Variants in PGBD2 observed in about 807,000 individuals in gnomAD.
PGBD2 encodes the protein piggyBac transposable element derived 2, also known as piggyBac transposable element-derived protein 2.
PGBD2 carries 6 observed loss-of-function variants against 8.1 expected under a neutral mutation model. That is an observed-to-expected ratio of 0.74 (90% CI 0.40 to 1.46). The LOEUF (loss-of-function observed/expected upper bound fraction) is 1.46. Among genes scored for constraint, PGBD2 ranks in the 40% most tolerant of loss-of-function variants. The pLI, the probability that PGBD2 is intolerant of heterozygous loss-of-function variation, is 0.02. For synonymous variants in PGBD2, 318 were observed against 272.2 expected, an observed-to-expected ratio of 1.17 and a Z score of -1.66; for missense variants, 802 against 739.0, an observed-to-expected ratio of 1.09 and a Z score of -0.99.
intron 1 of PGBD2, among the ~76,000 whole-genome samples, chr1:248,909,294 G>A (rs760898038): frequency 3.3e-5 from 5 of 152,148 alleles, no homozygotes; most frequent in Admixed American, 6.5e-5. Flanking sequence ...AGCTTCTTGC[G>A]TATGTATCCC....
rs888823858 is a variant in PGBD2, at chr1:248,917,286, C to T, written c.702C>T (p.Asn234=). ...CATACTTACATTTTGCAGATAACAA[C>T]GAACTTGATGCAAGTGATAGGTTTG... ...IFSYLHFADN[N]ELDASDRFAK... is the part of the protein sequence containing the mutation. Residue 234 remains asparagine (N), a synonymous_variant, in exon 3 of 3, where the codon AAC becomes AAT. Transcript: ENST00000329291. 1.8e-5 allele frequency: 29 copies of T among 1,614,066 alleles called. No homozygotes were observed. The Admixed American group carries it at 2.0e-4, about 11-fold the overall frequency.
chr1:248,873,968 TTTA>T, the PGBD2 span, among the ~76,000 whole-genome samples: 1 of 152,110 alleles, frequency 6.6e-6, no homozygotes, highest in African/African-American at 2.4e-5. Flanking sequence ...ACACATTCGT[TTTA>T]TTAGCATTTT....
chr1:248,926,525 G>T, the PGBD2 span, among the ~76,000 whole-genome samples: 3 of 152,282 alleles, frequency 2.0e-5, no homozygotes, highest in East Asian at 5.8e-4. Context: ...GACTTTGAAA[G>T]CTTCTTTTGG....
chr1:248,878,636 A>G, the PGBD2 span, among the ~76,000 whole-genome samples: 3 of 152,208 alleles, frequency 2.0e-5, no homozygotes, highest in Non-Finnish European at 4.4e-5. Context: ...TCGGTAGTCC[A>G]TTTAATCTCT....
chr1:248,886,478 T>C, the PGBD2 span, among the ~76,000 whole-genome samples: 5 of 152,222 alleles, frequency 3.3e-5, no homozygotes, highest in Non-Finnish European at 7.3e-5. Context: ...TTGATCTGTT[T>C]GAATTCAAAT....
the PGBD2 span, among the ~76,000 whole-genome samples, chr1:248,926,527 T>C: frequency 3.0e-4 from 46 of 152,312 alleles, no homozygotes; most frequent in South Asian, 1.9e-3. Context: ...CTTTGAAAGC[T>C]TCTTTTGGTC....
At chr1:248,874,309 C>T in the PGBD2 span, among the ~76,000 whole-genome samples, 7 of 152,158 alleles carry the variant, frequency 4.6e-5, no homozygotes, top group East Asian at 3.9e-4. Flanking sequence ...GTTCGATTCC[C>T]GGTCAGGAAA....
intron 2 of PGBD2, 133 bp from the exon 3 acceptor site, chr1:248,916,469 G>T (rs1662100661): frequency 1.4e-6 from 1 of 690,378 alleles, no homozygotes; most frequent in African/African-American, 1.8e-5. Flanking sequence ...TACTAAATGC[G>T]GTGCCTTGTG....
At chr1:248,874,233 T>C in the PGBD2 span, among the ~76,000 whole-genome samples, 40 of 152,344 alleles carry the variant, frequency 2.6e-4, no homozygotes, top group East Asian at 7.7e-4. Context: ...TATTGCTAAA[T>C]GACGCATCAT....
rs780552953 is a variant in PGBD2, at chr1:248,917,088, A to G, written c.504A>G (p.Lys168=). The change falls in exon 3 of 3, where the codon AAA becomes AAG. Residue 168 remains lysine, a synonymous_variant. Transcript: ENST00000329291. ...VNETNRYAWQ[K]NVNLSLTAQE... is the part of the protein sequence containing the mutation. ...AAACCAATCGTTATGCTTGGCAGAA[A>G]AATGTCAATTTGAGTCTTACGGCTC... The G allele has an allele frequency of 3.1e-6, 5 of 1,613,814 alleles. No individual in the cohort carries two copies. The highest frequency in any genetic ancestry group is 1.3e-5 in the African/African-American group (1 of 74,980).
upstream of PGBD2, among the ~76,000 whole-genome samples, chr1:248,904,448 C>T (rs1572267857): frequency 6.6e-6 from 1 of 152,016 alleles, no homozygotes. Context: ...TACACTTGGT[C>T]CCGATCTTTT....
chr1:248,916,909 C>T lies in PGBD2; in HGVS notation c.325C>T (p.Gln109Ter), dbSNP rs1051729619. 5.0e-6 allele frequency: 8 copies of T among 1,614,026 alleles called. No homozygotes were observed. Among genetic ancestry groups the T allele is most frequent in the Non-Finnish European group, 6.8e-6 (8 of 1,179,994 alleles). ...GAGGCAGAAAGCAGTTGTGAAACCT[C>T]AGCGCATTTGGACCAAAAGAGATAT... Reference protein sequence around the residue: ...KKRQKAVVKPQRIWTKRDIRP... With the variant: ...KKRQKAVVKP The change falls in exon 3 of 3, where the codon CAG becomes TAG. Residue 109 changes from glutamine (Q) to a stop codon, truncating the protein, a stop_gained. Coordinates refer to ENST00000329291, the MANE Select transcript of PGBD2 (RefSeq NM_170725.3). LOFTEE classifies it low-confidence loss of function (END_TRUNC).
At position 248,918,175 on chromosome 1, in the gene PGBD2, A is replaced by G. The variant is rs147227512; in HGVS notation, c.1591A>G (p.Thr531Ala). ...TGTGTATCTGGAGAGCAATGCTGAC[A>G]CAACATCTCAAGGGAGGCGAAGCAG... ...ACVYLESNADTTSQGRRSRRL... is the reference protein window; with the variant it reads ...ACVYLESNADATSQGRRSRRL... Residue 531 changes from threonine (T) to alanine (A), a missense_variant, in exon 3 of 3, where the codon ACA (threonine) becomes GCA (alanine). Coordinates refer to ENST00000329291, the MANE Select transcript of PGBD2 (RefSeq NM_170725.3). The G allele has an allele frequency of 1.9e-6, 3 of 1,614,208 alleles. No homozygotes were observed. Among genetic ancestry groups the G allele is most frequent in the South Asian group, 2.2e-5 (2 of 91,084 alleles).
At position 248,916,993 on chromosome 1, in the gene PGBD2, C is replaced by T. The variant is rs1558289105; in HGVS notation, c.409C>T (p.Gln137Ter). 1.2e-6 allele frequency: 2 copies of T among 1,613,068 alleles called. No homozygotes were observed. Among genetic ancestry groups the T allele is most frequent in the South Asian group, 2.2e-5 (2 of 90,912 alleles). Residue 137 changes from glutamine (Q) to a stop codon, truncating the protein, a stop_gained, in exon 3 of 3, where the codon CAA becomes TAA. Transcript: ENST00000329291. LOFTEE classifies it low-confidence loss of function (END_TRUNC). Reference sequence around the variant, plus strand: ...TCCTCATATTGAGGATCTGAAAAGCCAAGAGCTGAGTCCCGTGGGCCTTTT... The same window carrying T: ...TCCTCATATTGAGGATCTGAAAAGCTAAGAGCTGAGTCCCGTGGGCCTTTT... The part of the protein sequence containing the change: ...SDPHIEDLKS[Q>*]ELSPVGLFEL...
the PGBD2 span, among the ~76,000 whole-genome samples, chr1:248,879,971 G>A: frequency 6.6e-6 from 1 of 152,114 alleles, no homozygotes; most frequent in Non-Finnish European, 1.5e-5. Flanking sequence ...TGTGGAGAGA[G>A]CAATTCATTT....
At chr1:248,919,281 G>C (rs1347407755), downstream of PGBD2, 1 of 166,128 alleles carries the variant, frequency 6.0e-6, no homozygotes, top group Admixed American at 6.6e-5. Context: ...CACTCTGTGT[G>C]TCCATGAGTT....
In PGBD2 at chr1:248,917,961, G is replaced by C. The variant is rs369511867; in HGVS notation, c.1377G>C (p.Lys459Asn). The C allele has an allele frequency of 8.3e-5, 134 of 1,614,214 alleles. No individual in the cohort carries two copies. Among genetic ancestry groups the C allele is most frequent in the Non-Finnish European group, 1.1e-4 (126 of 1,180,016 alleles). ...CACTGGTGAAGCTGTATCAGGAGAA[G>C]GTGGGTGGCGTTGGTAGGATGGATC... ...QPSLVKLYQE[K>N]VGGVGRMDQN... The change falls in exon 3 of 3, where the codon AAG becomes AAC. Residue 459 changes from lysine (K) to asparagine (N), a missense_variant. Physicochemically the swap from Lys to Asn is moderately conservative, Grantham distance 94. Coordinates refer to ENST00000329291, the MANE Select transcript of PGBD2 (RefSeq NM_170725.3).
intron 2 of PGBD2, among the ~76,000 whole-genome samples, chr1:248,914,807 T>G (rs959082020): frequency 1.3e-5 from 2 of 152,202 alleles, no homozygotes; most frequent in Admixed American, 1.3e-4. Context: ...ACACTGGAAG[T>G]CCTGGCCAGG....
chr1:248,908,956 C>T (rs745319391), intron 1 of PGBD2, among the ~76,000 whole-genome samples: 4 of 152,114 alleles, frequency 2.6e-5, no homozygotes, highest in Admixed American at 6.5e-5. Context: ...GATCAGTTTC[C>T]GTTTTACGGG....
Sources: allele counts gnomAD v4.1 joint callset (sites outside exome capture counted in the v4.1 genomes callset), GRCh38; gene constraint gnomAD v4.1.1; transcripts MANE v1.5; gene names NCBI Gene and HGNC (gene_info 2026-07-23, HGNC 2026-07-21).